The following PTPRC variants were observed in gnomAD, a reference collection of about 807,000 sequenced individuals.
The protein encoded by PTPRC is protein tyrosine phosphatase receptor type C, also known as receptor-type tyrosine-protein phosphatase C.
A neutral mutation model predicts 155.9 loss-of-function variants in PTPRC; 44 were observed. The observed-to-expected ratio is 0.28, with a 90% CI of 0.22 to 0.36. PTPRC has a LOEUF of 0.36. Among genes scored for constraint, PTPRC ranks in the 10% least tolerant of loss-of-function variants. The pLI is 1.00. For missense variants in PTPRC, 1,401 were observed against 1,564.6 expected, an observed-to-expected ratio of 0.90 and a Z score of 1.76; for synonymous variants, 525 against 533.1, an observed-to-expected ratio of 0.98 and a Z score of 0.21.
intron 2 of PTPRC, among the ~76,000 whole-genome samples, chr1:198,640,513 TA>T (rs965812997): frequency 2.0e-5 from 3 of 152,124 alleles, no homozygotes; most frequent in African/African-American, 7.2e-5. Flanking sequence ...TTTTGCTTTT[TA>T]TTGCAAAGGT....
intron 3 of PTPRC, chr1:198,694,117 G>C: frequency 6.5e-7 from 1 of 1,545,360 alleles, no homozygotes; most frequent in East Asian, 2.5e-5. Context: ...CCAAAGGCCC[G>C]AGAGCCCCTC....
At chr1:198,677,562 A>G (rs1016175178) in intron 2 of PTPRC, among the ~76,000 whole-genome samples, 5 of 151,900 alleles carry the variant, frequency 3.3e-5, no homozygotes, top group African/African-American at 1.2e-4. Context: ...GGAGTCTTCC[A>G]TGATTACCCT....
Position 198,729,162 on chromosome 1 carries a change from G to T in PTPRC, c.1855G>T (p.Val619Phe). 1 of 1,611,140 alleles carries T rather than the reference G, an allele frequency of 6.2e-7. No individual in the cohort carries two copies. Among genetic ancestry groups the T allele is most frequent in the Non-Finnish European group, 8.5e-7 (1 of 1,178,422 alleles). Residue 619 changes from valine to phenylalanine, a missense_variant, in exon 17 of 33, where the codon GTT (valine) becomes TTT (phenylalanine). Val to Phe is a conservative substitution (Grantham distance 50, BLOSUM62 -1). Coordinates refer to ENST00000442510, the MANE Select transcript of PTPRC (RefSeq NM_002838.5). ...SCNLDEQQEL[V>F]ERDDEKQLMN... ...CAATTTAGATGAACAGCAGGAGCTT[G>T]TTGAAAGGGGTAAGTATGTATATTT... is the stretch of plus-strand genomic sequence containing the variant.
chr1:198,754,269 G>A lies in PTPRC; in HGVS notation c.3510G>A (p.Arg1170=), dbSNP rs1421608327. The A allele has an allele frequency of 8.7e-6, 14 of 1,607,858 alleles. No homozygotes were observed. Among genetic ancestry groups the A allele is most frequent in the Non-Finnish European group, 1.2e-5 (14 of 1,175,116 alleles). Residue 1170 remains arginine, a splice_region_variant and synonymous_variant, in exon 32 of 33, where the codon AGG becomes AGA. Transcript: ENST00000442510. ...HKSTPLLIHC[R]DGSQQTGIFC... ...TTTCTATCTTTTCTTTCTTTTATAG[G>A]GATGGATCTCAGCAAACGGGAATAT...
At chr1:198,682,639 A>G (rs1434446174) in intron 2 of PTPRC, among the ~76,000 whole-genome samples, 3 of 152,220 alleles carry the variant, frequency 2.0e-5, no homozygotes, top group African/African-American at 7.2e-5. Flanking sequence ...GTATAGGTTG[A>G]TCAGCAAAGG....
intron 11 of PTPRC, among the ~76,000 whole-genome samples, chr1:198,712,608 T>C (rs1194030220): frequency 6.6e-6 from 1 of 152,190 alleles, no homozygotes; most frequent in African/African-American, 2.4e-5. Flanking sequence ...GTGCTATGAA[T>C]GCCAGATTTT....
chr1:198,665,230 C>T (rs1296083175), intron 2 of PTPRC, among the ~76,000 whole-genome samples: 1 of 151,090 alleles, frequency 6.6e-6, no homozygotes, highest in East Asian at 1.9e-4. Flanking sequence ...GGGGGGACTA[C>T]AGGCGCCCGC....
chr1:198,752,473 G>A, intron 30 of PTPRC, 102 bp downstream of exon 30: 1 of 1,532,132 alleles, frequency 6.5e-7, no homozygotes, highest in South Asian at 1.1e-5. Context: ...TATAAATAAT[G>A]TTTCAGAATA....
chr1:198,714,101 C>A (rs1045010618), intron 12 of PTPRC, among the ~76,000 whole-genome samples: 1 of 151,996 alleles, frequency 6.6e-6, no homozygotes, highest in Admixed American at 6.5e-5. Flanking sequence ...AATGGAAATT[C>A]CAGGAAGATA....
rs183291743 is a variant in PTPRC at position 198,707,966 on chromosome 1, A to G, written c.905-167A>G. Among the ~76,000 whole-genome samples, 489 of 152,338 alleles carry G rather than the reference A, an allele frequency of 3.2e-3. 5 individuals carry two copies. The highest frequency in any genetic ancestry group is 0.011 in the African/African-American group (448 of 41,576). On this transcript the variant is annotated intron_variant, in intron 9 of 32. Transcript: ENST00000442510. The stretch of plus-strand genomic sequence containing the variant: ...TAATAAAGTAAATAATAAAAGAAAC[A>G]AATCCCTAGAGTTATTAGACTTTTC...
intron 3 of PTPRC, chr1:198,694,119 G>C: frequency 6.5e-7 from 1 of 1,545,250 alleles, no homozygotes; most frequent in East Asian, 2.5e-5. Context: ...AAAGGCCCGA[G>C]AGCCCCTCAC....
intron 2 of PTPRC, among the ~76,000 whole-genome samples, chr1:198,655,557 A>G (rs1663518092): frequency 6.6e-6 from 1 of 151,994 alleles, no homozygotes; most frequent in African/African-American, 2.4e-5. Context: ...TCTATTACTA[A>G]TTCCTCTTCA....
chr1:198,675,112 G>A (rs548556708), intron 2 of PTPRC, among the ~76,000 whole-genome samples: 2 of 152,072 alleles, frequency 1.3e-5, no homozygotes, highest in East Asian at 3.9e-4. Flanking sequence ...AATAGCATGT[G>A]AATTTCACCT....
chr1:198,676,043 C>T (rs1664934214), intron 2 of PTPRC, among the ~76,000 whole-genome samples: 1 of 152,026 alleles, frequency 6.6e-6, no homozygotes, highest in Non-Finnish European at 1.5e-5. Flanking sequence ...AAAACCAGAC[C>T]AATAATGAAT....
rs768752369 is a variant in PTPRC, at chr1:198,750,466, G to C, written c.3073-26G>C. On this transcript the variant is annotated intron_variant, in intron 28 of 32. Transcript: ENST00000442510. ...CTGAGCTCTCTTCTGTAGTAACGAA[G>C]TCCCACCCTTTTTTTGTCTAAAAAG... is the stretch of plus-strand genomic sequence containing the variant. 3.1e-6 allele frequency: 5 copies of C among 1,607,434 alleles called. No individual in the cohort carries two copies. The Admixed American group carries it at 5.0e-5, about 16-fold the overall frequency.
chr1:198,654,848 T>C (rs1248805566), intron 2 of PTPRC, among the ~76,000 whole-genome samples: 1 of 151,900 alleles, frequency 6.6e-6, no homozygotes, highest in Non-Finnish European at 1.5e-5. Context: ...ACATCAATTT[T>C]TCATGTTAAA....
chr1:198,750,238 T>C (rs1415960395), intron 28 of PTPRC: 6 of 477,316 alleles, frequency 1.3e-5, no homozygotes, highest in Admixed American at 6.7e-5. Context: ...TGTGTGTCTT[T>C]TGTGGAAAGG....
At chr1:198,655,281 C>T (rs1423017771) in intron 2 of PTPRC, among the ~76,000 whole-genome samples, 1 of 151,642 alleles carries the variant, frequency 6.6e-6, no homozygotes, top group Non-Finnish European at 1.5e-5. Context: ...AATTTGGAAA[C>T]TACTATAATG....
intron 15 of PTPRC, among the ~76,000 whole-genome samples, chr1:198,725,366 G>T (rs1428478083): frequency 6.6e-6 from 1 of 152,156 alleles, no homozygotes; most frequent in African/African-American, 2.4e-5. Context: ...GTCCTTAGAA[G>T]ATCTTGGTGA....
Sources: gnomAD v4.1 joint callset for allele counts (sites outside exome capture counted in the v4.1 genomes callset) on GRCh38, gnomAD v4.1.1 for gene constraint, MANE v1.5 for transcripts, NCBI Gene and HGNC (gene_info 2026-07-23, HGNC 2026-07-21) for gene names.